PPP1R2: variants seen among roughly 807,000 people sequenced by gnomAD.
PPP1R2 encodes the protein protein phosphatase 1 regulatory inhibitor subunit 2.
PPP1R2 carries 16 observed loss-of-function variants against 29.9 expected under a neutral mutation model. The observed-to-expected ratio is 0.53, with a 90% CI of 0.36 to 0.81. The LOEUF (loss-of-function observed/expected upper bound fraction) is 0.81, where lower values mean the gene tolerates loss of function less well. PPP1R2 is among the 30% of genes least tolerant of loss of function. The probability of loss-of-function intolerance (pLI) is 0.00; values close to 1 mark genes in which losing one functional copy is unlikely to be tolerated. For synonymous variants in PPP1R2, 76 were observed against 91.5 expected, an observed-to-expected ratio of 0.83 and a Z score of 0.96; for missense variants, 197 against 252.7, an observed-to-expected ratio of 0.78 and a Z score of 1.49.
chr3:195,532,838 G>C (rs748301535), intron 1 of PPP1R2, among the ~76,000 whole-genome samples: 2 of 152,098 alleles, frequency 1.3e-5, no homozygotes, highest in Non-Finnish European at 2.9e-5. Context: ...TATACATAGA[G>C]AATAGTCTAC....
At chr3:195,540,047 CG>C (rs1719536379) in intron 1 of PPP1R2, among the ~76,000 whole-genome samples, 1 of 152,282 alleles carries the variant, frequency 6.6e-6, no homozygotes, top group African/African-American at 2.4e-5. Flanking sequence ...TTTTACACAA[CG>C]AAGACACCTA....
chr3:195,532,108 G>A (rs114246345), intron 1 of PPP1R2, among the ~76,000 whole-genome samples: 7,294 of 151,952 alleles, frequency 0.048, 286 homozygotes, highest in South Asian at 0.17. Context: ...ATAGTTCACT[G>A]CAGTCTCGAA....
intron 1 of PPP1R2, among the ~76,000 whole-genome samples, chr3:195,541,499 G>A (rs981413145): frequency 5.1e-4 from 48 of 94,586 alleles, no homozygotes; most frequent in African/African-American, 1.9e-3. Flanking sequence ...GTCTCATTAT[G>A]TTGCCCAGGC....
intron 2 of PPP1R2, among the ~76,000 whole-genome samples, chr3:195,526,983 A>G (rs946794967): frequency 4.0e-5 from 6 of 151,746 alleles, no homozygotes; most frequent in African/African-American, 1.2e-4. Context: ...GGGTTTCACC[A>G]TGTTGGCTAG....
chr3:195,536,775 C>T (rs539904933), intron 1 of PPP1R2, among the ~76,000 whole-genome samples: 8 of 120,494 alleles, frequency 6.6e-5, no homozygotes, highest in Admixed American at 2.1e-4. Context: ...GCGACAAGAG[C>T]GAAACTCCGT....
chr3:195,516,322 G>A lies in PPP1R2; in HGVS notation c.*574C>T, dbSNP rs1718544987. 1 of 152,440 alleles carries A rather than the reference G, an allele frequency of 6.6e-6. No homozygotes were observed. The highest frequency in any genetic ancestry group is 1.9e-4 in the East Asian group (1 of 5,196). 9.4% of individuals were successfully genotyped at this position (152,440 alleles called of 1,614,324 possible). On this transcript the variant is annotated 3_prime_UTR_variant, in exon 6 of 6. Transcript: ENST00000618156. ...TGAGAAAAAGTTCAGTCCTTTCCTT[G>A]TAAACACAAAGAAACTCAACAGGAA...
At chr3:195,517,573 A>C (rs1406186184) in intron 5 of PPP1R2, among the ~76,000 whole-genome samples, 4 of 152,216 alleles carry the variant, frequency 2.6e-5, no homozygotes, top group African/African-American at 4.8e-5. Context: ...CAAAATTTTA[A>C]TCCTCCATTA....
chr3:195,521,593 C>A (rs141864372), intron 4 of PPP1R2, among the ~76,000 whole-genome samples: 2 of 151,824 alleles, frequency 1.3e-5, no homozygotes, highest in African/African-American at 4.8e-5. Context: ...TGCATTTGTT[C>A]TATTATTTTC....
At chr3:195,532,734 T>C (rs774622856) in intron 1 of PPP1R2, among the ~76,000 whole-genome samples, 6 of 152,186 alleles carry the variant, frequency 3.9e-5, no homozygotes, top group Non-Finnish European at 8.8e-5. Context: ...GAAATTTTTT[T>C]GGAGGCTTGT....
chr3:195,541,330 C>G (rs1577587579), intron 1 of PPP1R2, among the ~76,000 whole-genome samples: 2 of 152,276 alleles, frequency 1.3e-5, no homozygotes, highest in African/African-American at 4.8e-5. Context: ...GAAACTCACA[C>G]TGGAGAACAG....
intron 1 of PPP1R2, among the ~76,000 whole-genome samples, chr3:195,532,159 T>C (rs1355312253): frequency 6.6e-6 from 1 of 151,690 alleles, no homozygotes; most frequent in African/African-American, 2.4e-5. Context: ...GCCTCCTGAC[T>C]AGGTGGGACC....
At chr3:195,528,493 G>T (rs945855960) in intron 2 of PPP1R2, among the ~76,000 whole-genome samples, 1 of 151,790 alleles carries the variant, frequency 6.6e-6, no homozygotes, top group Non-Finnish European at 1.5e-5. Context: ...TTAGTAACAG[G>T]TTATTTCAAA....
intron 1 of PPP1R2, among the ~76,000 whole-genome samples, chr3:195,537,241 A>G (rs569051862): frequency 1.3e-5 from 2 of 152,296 alleles, no homozygotes; most frequent in African/African-American, 4.8e-5. Context: ...ACTGTATAAG[A>G]TTCATTTAGA....
chr3:195,534,708 AAGAG>A (rs1294861215), intron 1 of PPP1R2, among the ~76,000 whole-genome samples: 1 of 152,092 alleles, frequency 6.6e-6, no homozygotes, highest in Non-Finnish European at 1.5e-5. Flanking sequence ...TTAAAAAAAA[AAGAG>A]AGATAGGGCA....
intron 1 of PPP1R2, among the ~76,000 whole-genome samples, chr3:195,538,150 T>C (rs558557636): frequency 1.2e-4 from 19 of 152,350 alleles, no homozygotes; most frequent in South Asian, 1.0e-3. Flanking sequence ...TGGTTTCAGT[T>C]TTCCCCCACC....
intron 5 of PPP1R2, among the ~76,000 whole-genome samples, chr3:195,518,695 C>CAAATTTAA (rs1718643911): frequency 6.6e-6 from 1 of 151,652 alleles, no homozygotes; most frequent in Admixed American, 6.6e-5. Flanking sequence ...AATTTTAGAT[C>CAAATTTAA]GTTATGACAA....
intron 5 of PPP1R2, among the ~76,000 whole-genome samples, chr3:195,517,434 G>A (rs1718585652): frequency 6.6e-6 from 1 of 151,966 alleles, no homozygotes; most frequent in South Asian, 2.1e-4. Flanking sequence ...AAAGGGTAGG[G>A]GGTAAATAAG....
chr3:195,522,639 T>C (rs1275884207), intron 4 of PPP1R2, among the ~76,000 whole-genome samples: 5 of 152,232 alleles, frequency 3.3e-5, no homozygotes, highest in African/African-American at 1.2e-4. Flanking sequence ...GGAAAGTCAC[T>C]GAAAGTTGAG....
In PPP1R2 at chr3:195,543,321, G is replaced by A. The variant is rs1719685072; in HGVS notation, c.-296C>T. 1 of 239,114 alleles carries A rather than the reference G, an allele frequency of 4.2e-6. No individual in the cohort carries two copies. Among genetic ancestry groups the A allele is most frequent in the Non-Finnish European group, 8.1e-6 (1 of 122,774 alleles). The allele number at this position is 239,114 out of a possible 1,614,324, so 14.8% of individuals were successfully genotyped here. On this transcript the variant is annotated 5_prime_UTR_variant, in exon 1 of 6. Coordinates refer to ENST00000618156, the MANE Select transcript of PPP1R2 (RefSeq NM_006241.8). Reference sequence around the variant, plus strand: ...TCCAGCGCAGGAGCGACGCGACGCCGAAGCCAAGCGGACCCGCCCTCTCGC... The same window carrying A: ...TCCAGCGCAGGAGCGACGCGACGCCAAAGCCAAGCGGACCCGCCCTCTCGC...
Sources: gnomAD v4.1 joint callset for allele counts (sites outside exome capture counted in the v4.1 genomes callset) on GRCh38, gnomAD v4.1.1 for gene constraint, MANE v1.5 for transcripts, NCBI Gene and HGNC (gene_info 2026-07-23, HGNC 2026-07-21) for gene names.